The following PPP3R1 variants were observed in gnomAD, a reference collection of about 807,000 sequenced individuals.
PPP3R1 encodes the protein calcineurin subunit B type 1.
A neutral mutation model predicts 22.6 loss-of-function variants in PPP3R1; 5 were observed. The observed-to-expected ratio is 0.22, with a 90% confidence interval of 0.12 to 0.46. The LOEUF is 0.46. Among genes scored for constraint, PPP3R1 ranks in the 20% least tolerant of loss-of-function variants. The probability of loss-of-function intolerance (pLI) is 0.99; values close to 1 mark genes in which losing one functional copy is unlikely to be tolerated. For synonymous variants in PPP3R1, 56 were observed against 65.2 expected, an observed-to-expected ratio of 0.86 and a Z score of 0.68; for missense variants, 61 against 203.2, an observed-to-expected ratio of 0.30 and a Z score of 4.25.
rs752776274 is a variant in PPP3R1 at position 68,188,504 on chromosome 2, A to T, written c.220+10T>A. ...TAACTTGTGGTTATAAAAAATAACT[A>T]CTTTCTTACCTTTAAAGTCTACTTC... On this transcript the variant is annotated intron_variant, in intron 3 of 5. Coordinates refer to ENST00000234310, the MANE Select transcript of PPP3R1 (RefSeq NM_000945.4). 1.3e-6 allele frequency: 2 copies of T among 1,568,612 alleles called. No homozygotes were observed. The highest frequency in any genetic ancestry group is 2.4e-5 in the South Asian group (2 of 84,512).
Position 68,187,686 on chromosome 2 carries a change from T to C in PPP3R1, c.221-372A>G, listed in dbSNP as rs868389904. 3.3e-5 allele frequency among the ~76,000 whole-genome samples: 5 copies of C among 152,212 alleles called. 1 individual carries two copies. Among genetic ancestry groups the C allele is most frequent in the African/African-American group, 9.6e-5 (4 of 41,462 alleles). ...CTGACACACACAAAAAACTTTAGCC[T>C]TCTGTTTCAAAATTGTGAATCAAAT... is the stretch of plus-strand genomic sequence containing the variant. On this transcript the variant is annotated intron_variant, in intron 3 of 5. Transcript: ENST00000234310.
At chr2:68,200,758 G>A (rs1020727112) in intron 2 of PPP3R1, among the ~76,000 whole-genome samples, 5 of 152,188 alleles carry the variant, frequency 3.3e-5, no homozygotes, top group African/African-American at 1.2e-4. Flanking sequence ...GTGGAGAAAA[G>A]AGAATAAGAG....
intron 2 of PPP3R1, among the ~76,000 whole-genome samples, chr2:68,198,191 T>C (rs1424667296): frequency 6.9e-6 from 1 of 144,758 alleles, no homozygotes; most frequent in Non-Finnish European, 1.5e-5. Flanking sequence ...ATATAATATA[T>C]ATTTACATAT....
chr2:68,239,677 G>C (rs1053483246), intron 1 of PPP3R1, among the ~76,000 whole-genome samples: 1 of 151,964 alleles, frequency 6.6e-6, no homozygotes, highest in Non-Finnish European at 1.5e-5. Flanking sequence ...TGGGGTGGGG[G>C]GAAAAAACAA....
At chr2:68,208,101 C>G (rs766961873) in intron 2 of PPP3R1, among the ~76,000 whole-genome samples, 3 of 152,004 alleles carry the variant, frequency 2.0e-5, no homozygotes, top group African/African-American at 7.3e-5. Flanking sequence ...TGCAGTGAGC[C>G]GAGACCACGC....
intron 1 of PPP3R1, among the ~76,000 whole-genome samples, chr2:68,246,153 CA>C (rs376900378): frequency 7.2e-5 from 10 of 137,964 alleles, no homozygotes; most frequent in African/African-American, 2.7e-4. Flanking sequence ...CAGCTCCCTG[CA>C]ACCTCCGCCT....
chr2:68,203,183 A>T (rs1157784060), intron 2 of PPP3R1, among the ~76,000 whole-genome samples: 1 of 152,244 alleles, frequency 6.6e-6, no homozygotes, highest in African/African-American at 2.4e-5. Context: ...AGTAAATGAT[A>T]AATGACAGCT....
rs1240014775 is a variant in PPP3R1, at chr2:68,252,513, G to C, written c.-386C>G. On this transcript the variant is annotated 5_prime_UTR_variant, in exon 1 of 6. Transcript: ENST00000234310. ...CGGACTCACTGCAGCGGCTCGCGCT[G>C]ACCCGCAACCTCAAGGCACGAAAAA... 1.0e-6 allele frequency: 1 copy of C among 984,972 alleles called. No homozygotes were observed. Among genetic ancestry groups the C allele is most frequent in the Non-Finnish European group, 1.2e-6 (1 of 830,162 alleles). 61.0% of individuals were successfully genotyped at this position (984,972 alleles called of 1,614,324 possible).
chr2:68,198,803 C>G (rs940499642), intron 2 of PPP3R1, among the ~76,000 whole-genome samples: 8 of 152,098 alleles, frequency 5.3e-5, no homozygotes, highest in African/African-American at 1.9e-4. Flanking sequence ...GTCTTCTAAT[C>G]TATGAATGCG....
intron 1 of PPP3R1, among the ~76,000 whole-genome samples, chr2:68,228,206 A>G (rs1053549954): frequency 1.3e-5 from 2 of 152,146 alleles, no homozygotes; most frequent in African/African-American, 4.8e-5. Flanking sequence ...CTAAGTTTCA[A>G]ATAGTGAACC....
chr2:68,198,623 AC>A (rs1674888615), intron 2 of PPP3R1, among the ~76,000 whole-genome samples: 1 of 151,948 alleles, frequency 6.6e-6, no homozygotes, highest in African/African-American at 2.4e-5. Context: ...GAGGAGCTGT[AC>A]TTTTACTTTG....
intron 2 of PPP3R1, among the ~76,000 whole-genome samples, chr2:68,216,811 G>T (rs1393255301): frequency 1.3e-5 from 2 of 152,130 alleles, no homozygotes; most frequent in Non-Finnish European, 2.9e-5. Flanking sequence ...AAAAACTTCT[G>T]TTAGGTTAAG....
At chr2:68,236,050 G>C (rs1170025714) in intron 1 of PPP3R1, among the ~76,000 whole-genome samples, 2 of 151,126 alleles carry the variant, frequency 1.3e-5, no homozygotes, top group Non-Finnish European at 2.9e-5. Context: ...TTATTGCTGA[G>C]TTATAAGAAT....
chr2:68,191,694 T>C (rs1674672144), intron 2 of PPP3R1, among the ~76,000 whole-genome samples: 1 of 152,238 alleles, frequency 6.6e-6, no homozygotes. Flanking sequence ...CCAAAAATTA[T>C]TATGTAGCAC....
chr2:68,188,431 C>CT (rs11343435), intron 3 of PPP3R1, 83 bp downstream of exon 3: 57,213 of 949,638 alleles, frequency 0.06, 133 homozygotes, highest in African/African-American at 0.083. Flanking sequence ...AATATAAGCA[C>CT]TTTTTTTTTT....
intron 2 of PPP3R1, among the ~76,000 whole-genome samples, chr2:68,206,937 T>C (rs187445926): frequency 1.5e-4 from 23 of 152,224 alleles, no homozygotes; most frequent in Admixed American, 5.2e-4. Flanking sequence ...CAGAGAACAC[T>C]GGCTTGAGCT....
At chr2:68,235,908 G>A (rs1572975567) in intron 1 of PPP3R1, among the ~76,000 whole-genome samples, 1 of 152,042 alleles carries the variant, frequency 6.6e-6, no homozygotes, top group Admixed American at 6.6e-5. Flanking sequence ...GTGCTATCTC[G>A]ACATTTTGAT....
chr2:68,246,596 A>C (rs1172324745), intron 1 of PPP3R1, among the ~76,000 whole-genome samples: 1 of 152,148 alleles, frequency 6.6e-6, no homozygotes, highest in East Asian at 1.9e-4. Context: ...TGATCTCTGC[A>C]GTATCTATTC....
At chr2:68,202,164 T>C (rs903377444) in intron 2 of PPP3R1, among the ~76,000 whole-genome samples, 2 of 152,242 alleles carry the variant, frequency 1.3e-5, no homozygotes, top group African/African-American at 4.8e-5. Context: ...TTTTATCTTT[T>C]GCTCTAACAT....
Sources: gnomAD v4.1 joint callset for allele counts (sites outside exome capture counted in the v4.1 genomes callset) on GRCh38, gnomAD v4.1.1 for gene constraint, MANE v1.5 for transcripts, NCBI Gene and HGNC (gene_info 2026-07-23, HGNC 2026-07-21) for gene names.